PAX6: variants seen among roughly 807,000 people sequenced by gnomAD.
PAX6 encodes paired box 6, also known as paired box protein Pax-6.
PAX6 carries 7 observed loss-of-function variants against 60.7 expected under a neutral mutation model. The ratio of observed to expected loss-of-function variants is 0.12; its 90% confidence interval spans 0.07 to 0.22. The LOEUF (loss-of-function observed/expected upper bound fraction) is 0.22. PAX6 is among the 10% of genes least tolerant of loss of function. The probability of loss-of-function intolerance (pLI) is 1.00; values close to 1 mark genes in which losing one functional copy is unlikely to be tolerated. For synonymous variants in PAX6, 208 were observed against 201.2 expected, an observed-to-expected ratio of 1.03 and a Z score of -0.29; for missense variants, 355 against 555.2, an observed-to-expected ratio of 0.64 and a Z score of 3.62.
intron 8 of PAX6, among the ~76,000 whole-genome samples, chr11:31,797,983 TGAGA>T (rs10694272): frequency 1.9e-4 from 28 of 148,294 alleles, no homozygotes; most frequent in Admixed American, 4.7e-4. Flanking sequence ...TGGAAGGAGG[TGAGA>T]GAGAGAGAGA....
intron 4 of PAX6, 121 bp downstream of exon 4, chr11:31,806,281 C>T (rs934574184): frequency 3.3e-6 from 4 of 1,213,416 alleles, no homozygotes; most frequent in Non-Finnish European, 4.6e-6. Context: ...GCCGCAGGTC[C>T]CCGGGCCTCA....
chr11:31,811,875 C>A (rs1957068899), upstream of PAX6: 1 of 152,480 alleles, frequency 6.6e-6, no homozygotes, highest in African/African-American at 2.4e-5. Context: ...ATTCCAGCTG[C>A]GGAGGCCGCG....
chr11:31,801,956 T>C, intron 5 of PAX6, 44 bp from the exon 6 acceptor site: 1 of 1,505,604 alleles, frequency 6.6e-7, no homozygotes, highest in East Asian at 2.3e-5. Context: ...GAACTTACTG[T>C]AGAGAGCTTT....
chr11:31,798,367 C>G (rs892851322), intron 8 of PAX6, among the ~76,000 whole-genome samples: 6 of 152,080 alleles, frequency 3.9e-5, no homozygotes, highest in African/African-American at 1.4e-4. Context: ...AGATGGAAAC[C>G]ATATTTGTCT....
chr11:31,794,807 G>C lies in PAX6; in HGVS notation c.566-19C>G. On this transcript the variant is annotated intron_variant, in intron 8 of 13. Coordinates refer to ENST00000640368, the MANE Select transcript of PAX6 (RefSeq NM_001368894.2). ...CAGCCATCTGGAACAAAAAGAATAG[G>C]ATGGTAAGAGAAATTTGGATTAACT... The C allele has an allele frequency of 6.2e-7, 1 of 1,613,824 alleles. No homozygotes were observed. Among genetic ancestry groups the C allele is most frequent in the African/African-American group, 1.3e-5 (1 of 75,024 alleles).
intron 5 of PAX6, 60 bp from the exon 6 acceptor site, chr11:31,801,972 T>C: frequency 1.5e-6 from 2 of 1,374,018 alleles, no homozygotes; most frequent in Non-Finnish European, 2.1e-6. Flanking sequence ...GCTTTTTTTC[T>C]TAAAATTACA....
At chr11:31,802,302 A>G (rs1954261204) in intron 5 of PAX6, 1 of 315,262 alleles carries the variant, frequency 3.2e-6, no homozygotes, top group Admixed American at 4.8e-5. Flanking sequence ...ATGAAGAATA[A>G]ACAAATACCT....
Position 31,806,462 on chromosome 11 carries a change from T to G in PAX6, c.-51A>C. The stretch of plus-strand genomic sequence containing the variant: ...ATTCCACGGGGCTCGAATATGGGGC[T>G]CTGTTAGCAAGAAAATAGGAGTTAA... On this transcript the variant is annotated splice_region_variant and 5_prime_UTR_variant, in exon 4 of 14. Transcript: ENST00000640368. The G allele has an allele frequency of 6.3e-7, 1 of 1,595,884 alleles. No individual in the cohort carries two copies. Among genetic ancestry groups the G allele is most frequent in the Non-Finnish European group, 8.5e-7 (1 of 1,170,918 alleles).
At position 31,789,793 on chromosome 11, in the gene PAX6, C is replaced by G; in HGVS notation, c.*141G>C. On this transcript the variant is annotated 3_prime_UTR_variant, in exon 14 of 14. Transcript: ENST00000640368. ...CAAGTCCATTCCTTCCCCAGTGGTA[C>G]AATACAGGACACAATTGTAGAACTG... The G allele has an allele frequency of 1.3e-6, 1 of 760,286 alleles. No individual in the cohort carries two copies. The highest frequency in any genetic ancestry group is 2.3e-6 in the Non-Finnish European group (1 of 434,464). The allele number at this position is 760,286 out of a possible 1,614,324, so 47.1% of individuals were successfully genotyped here.
upstream of PAX6, among the ~76,000 whole-genome samples, chr11:31,813,726 G>C (rs1348602433): frequency 6.6e-6 from 1 of 152,176 alleles, no homozygotes; most frequent in African/African-American, 2.4e-5. Flanking sequence ...AAAGGACTTG[G>C]CTGCTTCCCA....
chr11:31,813,382 G>A (rs979680157), upstream of PAX6, among the ~76,000 whole-genome samples: 7 of 104,902 alleles, frequency 6.7e-5, no homozygotes, highest in Non-Finnish European at 2.0e-5. Context: ...AGGGACTTGC[G>A]GGGGGGCGGG....
chr11:31,801,139 G>C, intron 7 of PAX6: 1 of 1,027,096 alleles, frequency 9.7e-7, no homozygotes, highest in Non-Finnish European at 1.3e-6. Flanking sequence ...TTTGTTAAAA[G>C]ACTGCCCGAA....
Position 31,789,855 on chromosome 11 carries a change from A to G in PAX6, c.*79T>C. The G allele has an allele frequency of 7.6e-7, 1 of 1,313,100 alleles. No homozygotes were observed. Among genetic ancestry groups the G allele is most frequent in the Non-Finnish European group, 1.1e-6 (1 of 927,164 alleles). The allele number at this position is 1,313,100 out of a possible 1,614,324, so 81.3% of individuals were successfully genotyped here. A position where few individuals can be genotyped will look rare whatever the true frequency, so the allele number is the denominator to read the frequency against. Reference sequence around the variant, plus strand: ...ACAGCCATTTTTCTTTCTTTCCTGAAAGCTCAACTGTTGTGTCCCCATAGT... The same window carrying G: ...ACAGCCATTTTTCTTTCTTTCCTGAGAGCTCAACTGTTGTGTCCCCATAGT... On this transcript the variant is annotated 3_prime_UTR_variant, in exon 14 of 14. Coordinates refer to ENST00000640368, the MANE Select transcript of PAX6 (RefSeq NM_001368894.2).
In PAX6 at chr11:31,794,643, C is replaced by A. The variant is rs1950961574; in HGVS notation, c.711G>T (p.Glu237Asp). The A allele has an allele frequency of 3.7e-6, 6 of 1,614,046 alleles. No homozygotes were observed. The highest frequency in any genetic ancestry group is 5.1e-6 in the Non-Finnish European group (6 of 1,180,056). Residue 237 changes from glutamate to aspartate, a missense_variant, in exon 9 of 14, where the codon GAG becomes GAT. Coordinates refer to ENST00000640368, the MANE Select transcript of PAX6 (RefSeq NM_001368894.2). Reference protein sequence around the residue: ...NRTSFTQEQIEALEKEFERTH... With the variant: ...NRTSFTQEQIDALEKEFERTH... ...AAACTCTATCACCTTTCTCCAGGGC[C>A]TCAATTTGCTCTTGGGTAAAGGATG...
intron 12 of PAX6, chr11:31,793,120 TTCTGGTGCAAGGCTC>T (rs1230519165): frequency 2.5e-5 from 15 of 604,170 alleles, no homozygotes; most frequent in Non-Finnish European, 1.2e-5. Context: ...TATTTCCACT[TTCTGGTGCAAGGCTC>T]CCTGGTACCC....
chr11:31,796,227 G>A (rs1023375053), intron 8 of PAX6, among the ~76,000 whole-genome samples: 7 of 152,168 alleles, frequency 4.6e-5, no homozygotes, highest in Non-Finnish European at 8.8e-5. Flanking sequence ...AATGCCCCGC[G>A]AGTAAGGGAA....
At position 31,816,633 on chromosome 11, in the gene PAX6, G is replaced by A. The variant is rs495902; in HGVS notation, c.-317+1176C>T. 7.0e-3 allele frequency: 4,913 copies of A among 702,424 alleles called. 151 individuals are homozygous for A. The African/African-American group carries it at 0.07, about 10-fold the overall frequency. 43.5% of individuals were successfully genotyped at this position (702,424 alleles called of 1,614,324 possible). A position where few individuals can be genotyped will look rare whatever the true frequency, so the allele number is the denominator to read the frequency against. ...AGGAACCCGCGGAGGAGAGGATCCC[G>A]GCCCAGGTAAGGCGTGCGGCCGGAC... On this transcript the variant is annotated intron_variant, in intron 1 of 12. Coordinates refer to the PAX6 transcript ENST00000241001.
At chr11:31,811,548 C>G (rs1957020544), upstream of PAX6, 1 of 246,380 alleles carries the variant, frequency 4.1e-6, no homozygotes, top group Admixed American at 5.6e-5. Context: ...CCGCTCCGCG[C>G]ACGCCGAGAT....
intron 12 of PAX6, chr11:31,791,122 A>G (rs1414612546): frequency 3.1e-5 from 17 of 547,504 alleles, no homozygotes; most frequent in Non-Finnish European, 3.3e-6. Context: ...GATGGTTGCC[A>G]CTATCCATAA....
Sources: allele counts gnomAD v4.1 joint callset (sites outside exome capture counted in the v4.1 genomes callset), GRCh38; gene constraint gnomAD v4.1.1; transcripts MANE v1.5; gene names NCBI Gene and HGNC (gene_info 2026-07-23, HGNC 2026-07-21).